The following B3GLCT variants were observed in gnomAD, a reference collection of about 807,000 sequenced individuals.
B3GLCT encodes beta 3-glucosyltransferase.
In B3GLCT, 65 loss-of-function variants were observed where a neutral mutation model predicts 63.4. The ratio of observed to expected loss-of-function variants is 1.03; its 90% CI spans 0.84 to 1.26. B3GLCT has a LOEUF of 1.26. B3GLCT is among the 50% of genes most tolerant of loss of function. B3GLCT has a pLI of 0.00. For synonymous variants in B3GLCT, 233 were observed against 219.2 expected (o/e 1.06, Z -0.55); for missense variants, 577 against 604.8 (o/e 0.95, Z 0.48).
intron 2 of B3GLCT, among the ~76,000 whole-genome samples, chr13:31,221,273 T>A (rs1869800278): frequency 6.6e-6 from 1 of 152,218 alleles, no homozygotes; most frequent in Non-Finnish European, 1.5e-5. Flanking sequence ...AGAAGGCAGC[T>A]TGGCCTGGGG....
At chr13:31,211,056 T>C (rs1869232796) in intron 1 of B3GLCT, among the ~76,000 whole-genome samples, 1 of 152,152 alleles carries the variant, frequency 6.6e-6, no homozygotes, top group Non-Finnish European at 1.5e-5. Context: ...TTTGGTTCCT[T>C]GATGATTTCT....
chr13:31,237,125 C>CAAA (rs56194545), intron 4 of B3GLCT, among the ~76,000 whole-genome samples: 3 of 139,244 alleles, frequency 2.2e-5, no homozygotes, highest in Admixed American at 7.1e-5. Flanking sequence ...GACTCCATCT[C>CAAA]AAAAAAAAAA....
intron 3 of B3GLCT, among the ~76,000 whole-genome samples, chr13:31,225,885 T>C (rs1870076433): frequency 6.6e-6 from 1 of 152,140 alleles, no homozygotes; most frequent in South Asian, 2.1e-4. Flanking sequence ...CCCAAGCCTC[T>C]CAGCATGGTA....
At chr13:31,240,854 G>C (rs145202694) in intron 4 of B3GLCT, among the ~76,000 whole-genome samples, 1 of 151,930 alleles carries the variant, frequency 6.6e-6, no homozygotes, top group East Asian at 1.9e-4. Context: ...CAAATTTATC[G>C]ACCCATTCAT....
intron 7 of B3GLCT, among the ~76,000 whole-genome samples, chr13:31,262,029 A>G (rs532462347): frequency 6.6e-6 from 1 of 152,288 alleles, no homozygotes; most frequent in Non-Finnish European, 1.5e-5. Context: ...GTTATGTACA[A>G]TTATTTTTGG....
chr13:31,329,017 C>G (rs1032707704), intron 14 of B3GLCT, among the ~76,000 whole-genome samples: 2 of 152,146 alleles, frequency 1.3e-5, no homozygotes, highest in East Asian at 1.9e-4. Context: ...GAGTGAGCTC[C>G]TTGTTTTCTT....
intron 9 of B3GLCT, among the ~76,000 whole-genome samples, chr13:31,274,845 C>G (rs575305249): frequency 6.6e-6 from 1 of 152,256 alleles, no homozygotes; most frequent in South Asian, 2.1e-4. Context: ...TCAAACCTTG[C>G]TCTTCTTCCT....
intron 12 of B3GLCT, among the ~76,000 whole-genome samples, chr13:31,298,934 C>T (rs1174459379): frequency 6.6e-6 from 1 of 152,208 alleles, no homozygotes; most frequent in Non-Finnish European, 1.5e-5. Flanking sequence ...GCTTAGAAAT[C>T]AGCCCTGCTT....
Position 31,291,859 on chromosome 13 carries a change from G to A in B3GLCT, c.1064+5040G>A, listed in dbSNP as rs182323308. Among the ~76,000 whole-genome samples the A allele has an allele frequency of 1.5e-3, 234 of 152,270 alleles. 6 individuals carry two copies. The Middle Eastern group carries it at 0.024, about 15-fold the overall frequency. On this transcript the variant is annotated intron_variant, in intron 12 of 14. Transcript: ENST00000343307. ...AGAACTTCCAATACTGTGTTGAATAGGAGTGGTGAGAGAGGGCATCCTTGT... is the reference window on the plus strand; with the variant it reads ...AGAACTTCCAATACTGTGTTGAATAAGAGTGGTGAGAGAGGGCATCCTTGT...
At chr13:31,259,887 A>G (rs144777763) in intron 6 of B3GLCT, among the ~76,000 whole-genome samples, 2,155 of 152,106 alleles carry the variant, frequency 0.014, 23 homozygotes, top group Non-Finnish European at 0.022. Context: ...TACAACGTGC[A>G]GGTTTGTTTT....
At chr13:31,326,625 G>C (rs1875641350) in intron 14 of B3GLCT, among the ~76,000 whole-genome samples, 1 of 151,998 alleles carries the variant, frequency 6.6e-6, no homozygotes, top group Non-Finnish European at 1.5e-5. Flanking sequence ...CTTCCTGTAT[G>C]CAGATGCCTA....
chr13:31,272,513 G>A (rs974458331), intron 8 of B3GLCT, among the ~76,000 whole-genome samples: 2 of 151,980 alleles, frequency 1.3e-5, no homozygotes, highest in African/African-American at 4.8e-5. Context: ...ACCGTGCCCG[G>A]CCCCTCTATT....
intron 12 of B3GLCT, among the ~76,000 whole-genome samples, chr13:31,314,147 C>T (rs1874869839): frequency 6.6e-6 from 1 of 152,296 alleles, no homozygotes; most frequent in East Asian, 1.9e-4. Context: ...GATAGCGGCC[C>T]TCATGGAGAA....
At chr13:31,217,895 A>C (rs943054914) in intron 2 of B3GLCT, among the ~76,000 whole-genome samples, 1 of 152,114 alleles carries the variant, frequency 6.6e-6, no homozygotes, top group Non-Finnish European at 1.5e-5. Flanking sequence ...TTGGCTTAGG[A>C]TTGCTTTGGC....
intron 3 of B3GLCT, among the ~76,000 whole-genome samples, chr13:31,224,313 C>T (rs554196907): frequency 2.0e-5 from 3 of 152,310 alleles, no homozygotes; most frequent in African/African-American, 7.2e-5. Context: ...TTTATGGGAG[C>T]AGATGAGTCT....
chr13:31,314,484 TACC>T, intron 12 of B3GLCT, among the ~76,000 whole-genome samples: 1 of 152,354 alleles, frequency 6.6e-6, no homozygotes, highest in African/African-American at 2.4e-5. Context: ...GATTTGACTG[TACC>T]ACTGGATTTT....
chr13:31,310,228 CTTAG>C (rs1458959952), intron 12 of B3GLCT, among the ~76,000 whole-genome samples: 5 of 152,192 alleles, frequency 3.3e-5, no homozygotes, highest in South Asian at 2.1e-4. Flanking sequence ...GACTACCTGC[CTTAG>C]TTAGGGCACC....
At position 31,329,740 on chromosome 13, in the gene B3GLCT, T is replaced by C; in HGVS notation, c.*72T>C. ...ACTGTGGCCTCATCCCACTGTGCTG[T>C]GCTCACAACACTTGTGTCTGCCACA... On this transcript the variant is annotated 3_prime_UTR_variant, in exon 15 of 15. Coordinates refer to ENST00000343307, the MANE Select transcript of B3GLCT (RefSeq NM_194318.4). 1 of 1,532,860 alleles carries C rather than the reference T, an allele frequency of 6.5e-7. No homozygotes were observed. The highest frequency in any genetic ancestry group is 1.1e-5 in the South Asian group (1 of 88,376). The allele number at this position is 1,532,860 out of a possible 1,614,324, so 95.0% of individuals were successfully genotyped here.
intron 3 of B3GLCT, among the ~76,000 whole-genome samples, chr13:31,228,454 A>G (rs889459490): frequency 3.2e-4 from 49 of 152,186 alleles, no homozygotes; most frequent in Admixed American, 3.2e-3. Context: ...GTATTGTCTC[A>G]CAGTTCTGGA....
Sources: allele counts gnomAD v4.1 joint callset (sites outside exome capture counted in the v4.1 genomes callset), GRCh38; gene constraint gnomAD v4.1.1; transcripts MANE v1.5; gene names NCBI Gene and HGNC (gene_info 2026-07-23, HGNC 2026-07-21).